TOP3A: variants seen among roughly 807,000 people sequenced by gnomAD.
The protein encoded by TOP3A is DNA topoisomerase 3-alpha.
Under a neutral mutation model 111.3 loss-of-function variants are expected in TOP3A, and 64 were observed. The ratio of observed to expected loss-of-function variants is 0.57; its 90% CI spans 0.47 to 0.71. The LOEUF (loss-of-function observed/expected upper bound fraction) is 0.71, where lower values mean the gene tolerates loss of function less well. Ranked by LOEUF, TOP3A falls within the 30% of genes least tolerant of loss-of-function variation. TOP3A has a pLI of 0.00. For missense variants in TOP3A, 1,104 were observed against 1,285.0 expected (o/e 0.86, Z 2.15); for synonymous variants, 484 against 485.1 (o/e 1.00, Z 0.03).
rs757457776 is a variant in TOP3A, at chr17:18,306,873, T to C, written c.390+18A>G. On this transcript the variant is annotated intron_variant, in intron 4 of 18. Coordinates refer to ENST00000321105, the MANE Select transcript of TOP3A (RefSeq NM_004618.5). ...CTGTGGTTTGACTCAGTGCCATATG[T>C]CTTCCAAAAGACCCTACCTTGATGT... is the stretch of plus-strand genomic sequence containing the variant. The C allele has an allele frequency of 1.3e-6, 2 of 1,561,016 alleles. No individual in the cohort carries two copies. The highest frequency in any genetic ancestry group is 1.1e-5 in the South Asian group (1 of 89,828).
chr17:18,275,504 C>T (rs1397003025), intron 18 of TOP3A, among the ~76,000 whole-genome samples: 5 of 146,066 alleles, frequency 3.4e-5, no homozygotes, highest in Admixed American at 3.4e-4. Context: ...GGACTACAGG[C>T]ACCCGCCACC....
chr17:18,311,646 G>A (rs983748185), intron 1 of TOP3A, among the ~76,000 whole-genome samples: 6 of 152,188 alleles, frequency 3.9e-5, no homozygotes, highest in East Asian at 1.9e-4. Flanking sequence ...CATATTAGGC[G>A]TTAGGACATA....
chr17:18,296,495 G>A (rs999405125), intron 9 of TOP3A, among the ~76,000 whole-genome samples: 1 of 152,048 alleles, frequency 6.6e-6, no homozygotes, highest in African/African-American at 2.4e-5. Flanking sequence ...CAGGAGACTC[G>A]CTTGAGCCCG....
intron 1 of TOP3A, chr17:18,312,211 C>T (rs1282168807): frequency 6.6e-6 from 1 of 152,440 alleles, no homozygotes; most frequent in Non-Finnish European, 1.5e-5. Context: ...AGACAAGAGA[C>T]AGAGCAAGGG....
chr17:18,299,238 C>A (rs920555098), intron 9 of TOP3A, among the ~76,000 whole-genome samples: 1 of 152,138 alleles, frequency 6.6e-6, no homozygotes, highest in Non-Finnish European at 1.5e-5. Context: ...CTAGCCTAGT[C>A]AACATAGTGA....
At chr17:18,293,468 GT>G (rs1980606638) in intron 10 of TOP3A, among the ~76,000 whole-genome samples, 1 of 118,986 alleles carries the variant, frequency 8.4e-6, no homozygotes, top group African/African-American at 3.2e-5. Context: ...TTTTTTTTTT[GT>G]AGAGACAGGG....
chr17:18,294,598 G>A (rs1345260221), intron 10 of TOP3A, 105 bp downstream of exon 10: 17 of 808,214 alleles, frequency 2.1e-5, no homozygotes, highest in Non-Finnish European at 3.1e-5. Flanking sequence ...AAAGTGATGG[G>A]ATTACAGGTG....
chr17:18,301,853 A>G, intron 8 of TOP3A, 32 bp downstream of exon 8: 2 of 1,575,378 alleles, frequency 1.3e-6, no homozygotes, highest in South Asian at 1.1e-5. Flanking sequence ...GGAGGTGTGC[A>G]GAATGTTTCC....
Position 18,294,763 on chromosome 17 carries a change from C to G in TOP3A, c.1013G>C (p.Arg338Pro). The change falls in exon 10 of 19, where the codon CGA becomes CCA. Residue 338 changes from arginine (R) to proline (P), a missense_variant. Transcript: ENST00000321105. ...DTVELEKLAS[R>P]KLRINAKETM... ...TTCTTTAGCATTTATTCTCAACTTTCGAGAAGCCAGCTTCTCAAGCTCCTG... is the reference window on the plus strand; with the variant it reads ...TTCTTTAGCATTTATTCTCAACTTTGGAGAAGCCAGCTTCTCAAGCTCCTG... 6.2e-7 allele frequency: 1 copy of G among 1,613,954 alleles called. No individual in the cohort carries two copies. Among genetic ancestry groups the G allele is most frequent in the Admixed American group, 1.7e-5 (1 of 60,016 alleles).
At chr17:18,296,383 T>A (rs1033194985) in intron 9 of TOP3A, among the ~76,000 whole-genome samples, 1 of 151,996 alleles carries the variant, frequency 6.6e-6, no homozygotes, top group African/African-American at 2.4e-5. Context: ...AGATTGAGAC[T>A]ACCCTGGCCA....
At chr17:18,278,504 T>C (rs1597954703) in intron 17 of TOP3A, 147 bp from the exon 18 acceptor site, 2 of 621,990 alleles carry the variant, frequency 3.2e-6, no homozygotes, top group Non-Finnish European at 5.2e-6. Context: ...AGGCCCTCTA[T>C]CAGCCCACCA....
At chr17:18,282,651 C>T (rs753398664) in intron 16 of TOP3A, 47 bp downstream of exon 16, 7 of 1,609,566 alleles carry the variant, frequency 4.3e-6, no homozygotes, top group South Asian at 3.3e-5. Flanking sequence ...CGGCTGACAC[C>T]GCAGGTGCTG....
intron 1 of TOP3A, among the ~76,000 whole-genome samples, chr17:18,310,344 T>G (rs533292060): frequency 6.6e-6 from 1 of 152,116 alleles, no homozygotes; most frequent in African/African-American, 2.4e-5. Flanking sequence ...GAGAATCGCT[T>G]GAACCTGGGA....
At chr17:18,287,505 G>A (rs1254745916) in intron 13 of TOP3A, among the ~76,000 whole-genome samples, 1 of 151,178 alleles carries the variant, frequency 6.6e-6, no homozygotes, top group African/African-American at 2.4e-5. Context: ...CAGCCTGGGT[G>A]ACAGAGTAAG....
chr17:18,288,637 CCA>C (rs1187690077), intron 13 of TOP3A, among the ~76,000 whole-genome samples: 4 of 152,138 alleles, frequency 2.6e-5, no homozygotes, highest in Non-Finnish European at 5.9e-5. Flanking sequence ...CCACCCCCCT[CCA>C]ATCCAGCTAC....
At position 18,297,876 on chromosome 17, in the gene TOP3A, A is replaced by G. The variant is rs1361386751; in HGVS notation, c.990+1683T>C. ...TGGGAAGTGAGGAGCGTCTCTGCCC[A>G]GCCGCCCATCGTCTGGGATGTGAGG... On this transcript the variant is annotated intron_variant, in intron 9 of 18. Coordinates refer to ENST00000321105, the MANE Select transcript of TOP3A (RefSeq NM_004618.5). Among the ~76,000 whole-genome samples, 740 of 146,174 alleles carry G rather than the reference A, an allele frequency of 5.1e-3. 4 individuals are homozygous for G. Among genetic ancestry groups the G allele is most frequent in the African/African-American group, 0.018 (710 of 39,212 alleles).
intron 5 of TOP3A, 97 bp from the exon 6 acceptor site, chr17:18,302,820 A>G: frequency 6.9e-7 from 1 of 1,444,880 alleles, no homozygotes; most frequent in Non-Finnish European, 9.3e-7. Context: ...AATAAAGGCA[A>G]ACCAGTTCAA....
At chr17:18,313,899 A>C (rs1462659038) in intron 1 of TOP3A, among the ~76,000 whole-genome samples, 3 of 152,228 alleles carry the variant, frequency 2.0e-5, no homozygotes, top group Non-Finnish European at 4.4e-5. Flanking sequence ...TACTTTTGTT[A>C]TCTGAGATAT....
At chr17:18,296,695 T>G (rs1980829084) in intron 9 of TOP3A, among the ~76,000 whole-genome samples, 3 of 152,248 alleles carry the variant, frequency 2.0e-5, no homozygotes, top group Admixed American at 6.5e-5. Flanking sequence ...CACCAGTCCC[T>G]GTGTGCTTCT....
Sources: gnomAD v4.1 joint callset for allele counts (sites outside exome capture counted in the v4.1 genomes callset) on GRCh38, gnomAD v4.1.1 for gene constraint, MANE v1.5 for transcripts, NCBI Gene and HGNC (gene_info 2026-07-23, HGNC 2026-07-21) for gene names.